The following VTI1A variants were observed in gnomAD, a reference collection of about 807,000 sequenced individuals.
VTI1A encodes vesicle transport through interaction with t-SNAREs homolog 1A.
In VTI1A, 22 loss-of-function variants were observed where a neutral mutation model predicts 34.9. The observed-to-expected ratio is 0.63, with a 90% CI of 0.45 to 0.90. The LOEUF (loss-of-function observed/expected upper bound fraction) is 0.90. VTI1A is among the 40% of genes least tolerant of loss of function. The pLI, the probability that VTI1A is intolerant of heterozygous loss-of-function variation, is 0.00. For synonymous variants in VTI1A, 87 were observed against 97.3 expected (o/e 0.89, Z 0.62); for missense variants, 268 against 275.6 (o/e 0.97, Z 0.20).
Position 112,447,426 on chromosome 10 carries a change from A to T in VTI1A, c.53A>T (p.Glu18Val). 1 of 1,613,716 alleles carries T rather than the reference A, an allele frequency of 6.2e-7. No homozygotes were observed. The highest frequency in any genetic ancestry group is 1.1e-5 in the South Asian group (1 of 91,040). Residue 18 changes from glutamate to valine, a missense_variant, in exon 1 of 8, where the codon GAG becomes GTG. By Grantham distance (121) the Glu-to-Val change is moderately radical. Coordinates refer to ENST00000393077, the MANE Select transcript of VTI1A (RefSeq NM_145206.4). ...YEQDFAVLTA[E>V]ITSKIARVPR... ...CAGGACTTCGCGGTGCTCACTGCAG[A>T]GATCACCAGCAAGATTGCGAGGGTC...
At chr10:112,834,996 C>A in the VTI1A span, among the ~76,000 whole-genome samples, 1 of 151,942 alleles carries the variant, frequency 6.6e-6, no homozygotes, top group African/African-American at 2.4e-5. Flanking sequence ...TTAGTTCATC[C>A]AACTGAAAAT....
chr10:112,760,665 C>A (rs1851430823), intron 7 of VTI1A, among the ~76,000 whole-genome samples: 1 of 152,092 alleles, frequency 6.6e-6, no homozygotes. Flanking sequence ...CCAAGGCGGG[C>A]AGATCACAAG....
intron 3 of VTI1A, among the ~76,000 whole-genome samples, chr10:112,495,125 A>G (rs949459549): frequency 6.6e-6 from 1 of 151,860 alleles, no homozygotes; most frequent in African/African-American, 2.4e-5. Context: ...TTTACTTTAG[A>G]AAAATTAGGT....
At chr10:112,531,843 C>G (rs1205935938) in intron 4 of VTI1A, among the ~76,000 whole-genome samples, 1 of 152,074 alleles carries the variant, frequency 6.6e-6, no homozygotes, top group Non-Finnish European at 1.5e-5. Context: ...GTTGGGATAG[C>G]AAAGAGAAAG....
chr10:112,762,507 C>G (rs765239160), intron 7 of VTI1A, among the ~76,000 whole-genome samples: 1 of 152,138 alleles, frequency 6.6e-6, no homozygotes, highest in Non-Finnish European at 1.5e-5. Context: ...TTTGAGTTTT[C>G]CAAATCCATC....
At chr10:112,719,456 T>C (rs1849719754) in intron 7 of VTI1A, among the ~76,000 whole-genome samples, 1 of 152,228 alleles carries the variant, frequency 6.6e-6, no homozygotes, top group Non-Finnish European at 1.5e-5. Context: ...ATAATTTATA[T>C]GTTATATAAT....
At chr10:112,845,514 C>T in the VTI1A span, among the ~76,000 whole-genome samples, 7 of 152,162 alleles carry the variant, frequency 4.6e-5, no homozygotes, top group South Asian at 1.2e-3. Flanking sequence ...AACTAACTTG[C>T]GCAGCAGCGA....
intron 7 of VTI1A, among the ~76,000 whole-genome samples, chr10:112,728,447 C>G (rs1402613168): frequency 2.6e-5 from 4 of 152,166 alleles, no homozygotes; most frequent in African/African-American, 9.7e-5. Flanking sequence ...AGTTGTCCTG[C>G]TTACCATGCA....
intron 4 of VTI1A, among the ~76,000 whole-genome samples, chr10:112,534,199 T>G (rs1051796754): frequency 1.3e-5 from 2 of 152,148 alleles, no homozygotes; most frequent in African/African-American, 4.8e-5. Context: ...AACTCCAGAT[T>G]TTTTTGTGTG....
chr10:112,839,524 G>A, the VTI1A span, among the ~76,000 whole-genome samples: 1 of 150,626 alleles, frequency 6.6e-6, no homozygotes, highest in African/African-American at 2.4e-5. Context: ...AAGGACTGCT[G>A]GCTGGTTGGG....
chr10:112,450,969 G>A (rs913194604), intron 1 of VTI1A, among the ~76,000 whole-genome samples: 6 of 152,194 alleles, frequency 3.9e-5, no homozygotes, highest in Non-Finnish European at 8.8e-5. Context: ...TCTGTTACAC[G>A]AAATAGGCTT....
intron 5 of VTI1A, among the ~76,000 whole-genome samples, chr10:112,655,770 A>T (rs1323397175): frequency 2.0e-5 from 3 of 152,230 alleles, no homozygotes; most frequent in Non-Finnish European, 4.4e-5. Flanking sequence ...AATGTTGAAG[A>T]ATGAAGGCCA....
chr10:112,829,821 A>T, the VTI1A span, among the ~76,000 whole-genome samples: 2 of 152,226 alleles, frequency 1.3e-5, no homozygotes, highest in Non-Finnish European at 2.9e-5. Flanking sequence ...AAATGCTGTG[A>T]TGAGATGCTT....
intron 7 of VTI1A, among the ~76,000 whole-genome samples, chr10:112,776,230 G>T (rs1321523445): frequency 1.3e-5 from 2 of 152,234 alleles, no homozygotes; most frequent in African/African-American, 4.8e-5. Flanking sequence ...AACACGCGCT[G>T]CACCGTGTTA....
chr10:112,677,953 A>G (rs1307208585), intron 7 of VTI1A: 1 of 152,224 alleles, frequency 6.6e-6, no homozygotes, highest in Non-Finnish European at 1.5e-5. Flanking sequence ...AGGCCTCATC[A>G]ATGAATAGTC....
intron 7 of VTI1A, among the ~76,000 whole-genome samples, chr10:112,792,752 G>GTTTAAAAAA (rs1852529246): frequency 6.6e-6 from 1 of 152,150 alleles, no homozygotes; most frequent in African/African-American, 2.4e-5. Context: ...TTAAAAGAGG[G>GTTTAAAAAA]GAAAGGTGGG....
the VTI1A span, among the ~76,000 whole-genome samples, chr10:112,830,849 A>ATATATATATATATATATTTTTT: frequency 2.4e-4 from 8 of 33,480 alleles, no homozygotes; most frequent in East Asian, 2.9e-3. Context: ...ATATATATAT[A>ATATATATATATATATATTTTTT]TTTTTTTTTT....
intron 3 of VTI1A, among the ~76,000 whole-genome samples, chr10:112,473,313 G>A (rs1310769502): frequency 6.6e-6 from 1 of 151,636 alleles, no homozygotes; most frequent in Non-Finnish European, 1.5e-5. Context: ...TTCACCATGT[G>A]GTTGGCCAGG....
intron 5 of VTI1A, among the ~76,000 whole-genome samples, chr10:112,634,895 T>C (rs1435205769): frequency 2.0e-5 from 3 of 152,224 alleles, no homozygotes; most frequent in Non-Finnish European, 4.4e-5. Flanking sequence ...CTTCACAATC[T>C]GAATACATAA....
Sources: gnomAD v4.1 joint callset for allele counts (sites outside exome capture counted in the v4.1 genomes callset) on GRCh38, gnomAD v4.1.1 for gene constraint, MANE v1.5 for transcripts, NCBI Gene and HGNC (gene_info 2026-07-23, HGNC 2026-07-21) for gene names.